The following RNF32 variants were observed in gnomAD, a reference collection of about 807,000 sequenced individuals.
The protein encoded by RNF32 is ring finger protein 32.
Under a neutral mutation model 41.0 loss-of-function variants are expected in RNF32, and 36 were observed. The ratio of observed to expected loss-of-function variants is 0.88; its 90% CI spans 0.67 to 1.16. The LOEUF is 1.16. RNF32 is among the 50% of genes most tolerant of loss of function. RNF32 has a pLI of 0.00. For missense variants in RNF32, 413 were observed against 436.7 expected, an observed-to-expected ratio of 0.95 and a Z score of 0.48; for synonymous variants, 154 against 160.9, an observed-to-expected ratio of 0.96 and a Z score of 0.32.
intron 1 of RNF32, 61 bp from the exon 2 acceptor site, chr7:156,643,740 C>A: frequency 1.3e-6 from 1 of 794,816 alleles, no homozygotes; most frequent in Non-Finnish European, 2.2e-6. Flanking sequence ...AGCATCCTCA[C>A]AAACTTCATG....
chr7:156,661,763 G>A (rs1000326058), intron 7 of RNF32, among the ~76,000 whole-genome samples: 5 of 152,128 alleles, frequency 3.3e-5, no homozygotes, highest in Non-Finnish European at 7.3e-5. Context: ...CAAAGTGCTG[G>A]GCCTACTACA....
chr7:156,660,266 C>T (rs550895434), intron 7 of RNF32: 15 of 985,062 alleles, frequency 1.5e-5, no homozygotes, highest in Non-Finnish European at 1.8e-5. Context: ...CTTCCAATTT[C>T]TTTGGTCTTC....
intron 7 of RNF32, chr7:156,660,234 T>A: frequency 1.0e-6 from 1 of 985,556 alleles, no homozygotes; most frequent in Non-Finnish European, 1.2e-6. Flanking sequence ...GTGCCAGTTT[T>A]TCAAAGCCTA....
In RNF32 at chr7:156,670,961, AAGAG is replaced by A. The variant is rs1252135723; in HGVS notation, c.685-4726_685-4723del. On this transcript the variant is annotated intron_variant, in intron 7 of 8. Coordinates refer to ENST00000317955, the MANE Select transcript of RNF32 (RefSeq NM_030936.4). The surrounding 1 kb of genome is among the most constrained non-coding windows in gnomAD (Gnocchi z 4.3). ...CAAGAAAACTCATGTCTCAGGTTAAAAGAGAGAGAGAGCTTATGACAAAAATAAC... is the reference window on the plus strand; with the variant it reads ...CAAGAAAACTCATGTCTCAGGTTAAAAGAGAGAGCTTATGACAAAAATAAC... Among the ~76,000 whole-genome samples the A allele has an allele frequency of 6.6e-6, 1 of 152,156 alleles. No homozygotes were observed. The highest frequency in any genetic ancestry group is 1.5e-5 in the Non-Finnish European group (1 of 68,018).
chr7:156,645,301 T>G (rs909066210), intron 3 of RNF32, among the ~76,000 whole-genome samples: 6 of 152,188 alleles, frequency 3.9e-5, no homozygotes, highest in Admixed American at 3.9e-4. Context: ...AACCAAGTAA[T>G]CCTAGTTAGG....
At chr7:156,654,984 G>A (rs761925342) in intron 4 of RNF32, 4 of 272,818 alleles carry the variant, frequency 1.5e-5, no homozygotes, top group Admixed American at 4.9e-5. Context: ...GGCCCCATGC[G>A]GCTGTGCAGA....
intron 7 of RNF32, among the ~76,000 whole-genome samples, chr7:156,665,141 C>T (rs1246805435): frequency 1.3e-5 from 2 of 152,192 alleles, no homozygotes; most frequent in Non-Finnish European, 2.9e-5. Flanking sequence ...TAAGGACCAG[C>T]TTCAGATTCA....
At chr7:156,672,754 ACT>A (rs1802834142) in intron 7 of RNF32, among the ~76,000 whole-genome samples, 1 of 152,142 alleles carries the variant, frequency 6.6e-6, no homozygotes, top group African/African-American at 2.4e-5. Context: ...CCGCACACTT[ACT>A]CTGTTCCTCT....
chr7:156,648,559 A>G (rs904813304), intron 3 of RNF32, among the ~76,000 whole-genome samples: 5 of 152,236 alleles, frequency 3.3e-5, no homozygotes, highest in Non-Finnish European at 1.5e-5. Context: ...AAATAAGTAA[A>G]GTTATTAAGG....
In RNF32 at chr7:156,676,800, A is replaced by G. The variant is rs571422050; in HGVS notation, c.*145A>G. The G allele has an allele frequency of 3.0e-5, 19 of 638,670 alleles. No homozygotes were observed. The South Asian group carries it at 3.3e-4, about 11-fold the overall frequency. 39.6% of individuals were successfully genotyped at this position (638,670 alleles called of 1,614,324 possible). On this transcript the variant is annotated 3_prime_UTR_variant, in exon 9 of 9. Transcript: ENST00000317955. ...ATTGGTAGTTGTAGGAAATCTTAGT[A>G]TATTTTAAAAGCTGACATCCCACCT...
At chr7:156,640,426 C>T, upstream of RNF32, 1 of 400,368 alleles carries the variant, frequency 2.5e-6, no homozygotes. Context: ...GCCCTCACTA[C>T]ACGAGGCCTG....
At chr7:156,661,162 T>A (rs748489558) in intron 7 of RNF32, among the ~76,000 whole-genome samples, 1 of 152,008 alleles carries the variant, frequency 6.6e-6, no homozygotes, top group Non-Finnish European at 1.5e-5. Flanking sequence ...CCTTATCACT[T>A]TTAAAGGAAT....
intron 7 of RNF32, among the ~76,000 whole-genome samples, chr7:156,663,332 CAT>C (rs1342272003): frequency 1.6e-4 from 25 of 152,170 alleles, no homozygotes; most frequent in African/African-American, 3.1e-4. Flanking sequence ...TGTGTGTGCA[CAT>C]ATGTGTATAT....
At chr7:156,649,730 T>A (rs2131388142) in intron 3 of RNF32, among the ~76,000 whole-genome samples, 1 of 152,336 alleles carries the variant, frequency 6.6e-6, no homozygotes, top group African/African-American at 2.4e-5. Context: ...AGTGACAGAC[T>A]CTGATGTTGA....
In RNF32 at chr7:156,641,747, A is replaced by G. The variant is rs1181822196; in HGVS notation, c.-78+936A>G. Among the ~76,000 whole-genome samples, 3 of 152,242 alleles carry G rather than the reference A, an allele frequency of 2.0e-5. No homozygotes were observed. The East Asian group carries it at 5.8e-4, about 29-fold the overall frequency. On this transcript the variant is annotated intron_variant, in intron 1 of 8. Transcript: ENST00000317955. Reference sequence around the variant, plus strand: ...GTGTGATGCAAACTGTATCTTCTGCAGGTTATAGGCATTTTGGAAGCAGGA... The same window carrying G: ...GTGTGATGCAAACTGTATCTTCTGCGGGTTATAGGCATTTTGGAAGCAGGA...
intron 7 of RNF32, among the ~76,000 whole-genome samples, chr7:156,663,776 T>C (rs1490825483): frequency 6.6e-6 from 1 of 152,188 alleles, no homozygotes; most frequent in Non-Finnish European, 1.5e-5. Flanking sequence ...ACAGGAAATT[T>C]TAGTGTACTA....
intron 4 of RNF32, chr7:156,657,318 T>A (rs994852368): frequency 8.9e-6 from 5 of 564,364 alleles, no homozygotes; most frequent in Non-Finnish European, 1.6e-5. Context: ...AATATCAAAC[T>A]TCATGTGTTT....
At chr7:156,674,883 C>T (rs951334146) in intron 7 of RNF32, among the ~76,000 whole-genome samples, 3 of 152,128 alleles carry the variant, frequency 2.0e-5, no homozygotes, top group African/African-American at 7.2e-5. Flanking sequence ...CTGCGAAATT[C>T]GAACTTTTCT....
intron 3 of RNF32, chr7:156,646,621 G>A: frequency 1.5e-6 from 1 of 650,366 alleles, no homozygotes; most frequent in Non-Finnish European, 2.3e-6. Flanking sequence ...TCCCTGATAG[G>A]GGAGAACTTC....
Sources: allele counts gnomAD v4.1 joint callset (sites outside exome capture counted in the v4.1 genomes callset), GRCh38; gene constraint gnomAD v4.1.1; non-coding constraint Gnocchi (gnomAD v3.1); transcripts MANE v1.5; gene names NCBI Gene and HGNC (gene_info 2026-07-23, HGNC 2026-07-21).